The following ZNF292 variants were observed in gnomAD, a reference collection of about 807,000 sequenced individuals.
ZNF292 encodes the protein 16 zinc-finger domain protein.
Under a neutral mutation model 217.9 loss-of-function variants are expected in ZNF292, and 26 were observed. The ratio of observed to expected loss-of-function variants is 0.12; its 90% CI spans 0.09 to 0.17. The LOEUF (loss-of-function observed/expected upper bound fraction) is 0.17. ZNF292 is among the 10% of genes least tolerant of loss of function. ZNF292 has a pLI of 1.00. For synonymous variants in ZNF292, 1,257 were observed against 1,124.1 expected (o/e 1.12, Z -2.37); for missense variants, 2,904 against 3,175.2 (o/e 0.91, Z 2.05).
At position 87,256,085 on chromosome 6, in the gene ZNF292, G is replaced by C; in HGVS notation, c.2456G>C (p.Arg819Pro). 6.2e-7 allele frequency: 1 copy of C among 1,612,996 alleles called. No individual in the cohort carries two copies. ...CKFTGCGKVY[R>P]SQGELEKHLD... ...TTCACAGGTTGTGGTAAAGTTTATC[G>C]TTCTCAGGGTGAGCTGGAAAAGCAT... The change falls in exon 8 of 8, where the codon CGT (arginine) becomes CCT (proline). Residue 819 changes from arginine (R) to proline (P), a missense_variant. Physicochemically the swap from Arg to Pro is moderately radical, Grantham distance 103. Around this residue, in one of 15 missense-constraint regions of ZNF292, gnomAD observed 687 missense variants for 623.0 expected, o/e 1.10. Transcript: ENST00000369577.
intron 1 of ZNF292, among the ~76,000 whole-genome samples, chr6:87,204,440 T>A (rs1772181818): frequency 1.3e-5 from 2 of 152,038 alleles, no homozygotes; most frequent in African/African-American, 4.8e-5. Flanking sequence ...CCAAATAGCT[T>A]AGGAAAAAAA....
chr6:87,229,836 A>T lies in ZNF292; in HGVS notation c.539-3489A>T, dbSNP rs147345809. Among the ~76,000 whole-genome samples the T allele has an allele frequency of 8.9e-4, 135 of 152,372 alleles. No individual in the cohort carries two copies. The East Asian group carries it at 0.022, about 25-fold the overall frequency. The stretch of plus-strand genomic sequence containing the variant: ...CACTAGAAGGTTTTAAACAGGGAAG[A>T]CAATCAAGTGTGTGCTTTAAAGTAA... On this transcript the variant is annotated intron_variant, in intron 4 of 7. Coordinates refer to ENST00000369577, the MANE Select transcript of ZNF292 (RefSeq NM_015021.3).
intron 1 of ZNF292, among the ~76,000 whole-genome samples, chr6:87,199,016 G>T (rs1297049773): frequency 6.6e-6 from 1 of 152,114 alleles, no homozygotes; most frequent in Non-Finnish European, 1.5e-5. Flanking sequence ...TATTCGTTTT[G>T]GGTGGATTGC....
rs767629221 is a variant in ZNF292, at chr6:87,260,666, C to G, written c.7037C>G (p.Ala2346Gly). The G allele has an allele frequency of 6.8e-6, 11 of 1,612,192 alleles. No individual in the cohort carries two copies. The South Asian group carries it at 9.9e-5, about 15-fold the overall frequency. Residue 2346 changes from alanine (A) to glycine (G), a missense_variant, in exon 8 of 8, where the codon GCA becomes GGA. Ala to Gly is a moderately conservative substitution (Grantham distance 60). Coordinates refer to ENST00000369577, the MANE Select transcript of ZNF292 (RefSeq NM_015021.3). ...KKKNNLENKN[A>G]KIVQIEENKP... Reference sequence around the variant, plus strand: ...AAAAATAATTTAGAAAACAAGAATGCAAAGATTGTGCAGATTGAAGAAAAT... The same window carrying G: ...AAAAATAATTTAGAAAACAAGAATGGAAAGATTGTGCAGATTGAAGAAAAT...
At chr6:87,184,800 C>T (rs181462304) in intron 1 of ZNF292, among the ~76,000 whole-genome samples, 90 of 152,264 alleles carry the variant, frequency 5.9e-4, no homozygotes, top group African/African-American at 1.9e-3. Context: ...TTGAAAGCTT[C>T]GAGGACCCTG....
chr6:87,211,436 C>G (rs199869817), intron 1 of ZNF292, among the ~76,000 whole-genome samples: 1 of 118,778 alleles, frequency 8.4e-6, no homozygotes, highest in Non-Finnish European at 1.8e-5. Context: ...TTTTATTTCT[C>G]CAGAAATGTA....
At chr6:87,235,681 A>C (rs982846314) in intron 5 of ZNF292, among the ~76,000 whole-genome samples, 2 of 152,072 alleles carry the variant, frequency 1.3e-5, no homozygotes, top group African/African-American at 4.8e-5. Flanking sequence ...AGTCCAGCCT[A>C]CTCTGGGAGA....
chr6:87,181,710 C>G (rs1159511917), intron 1 of ZNF292, among the ~76,000 whole-genome samples: 1 of 151,090 alleles, frequency 6.6e-6, no homozygotes, highest in Non-Finnish European at 1.5e-5. Context: ...GAGATGAAGT[C>G]TCCCTCTGTA....
chr6:87,156,703 G>GCA (rs1249660738), intron 1 of ZNF292, among the ~76,000 whole-genome samples: 1 of 152,212 alleles, frequency 6.6e-6, no homozygotes, highest in African/African-American at 2.4e-5. Context: ...TTGCCCAAGG[G>GCA]CACTGCTCAC....
intron 1 of ZNF292, among the ~76,000 whole-genome samples, chr6:87,210,819 A>G (rs1450253243): frequency 6.6e-6 from 1 of 152,058 alleles, no homozygotes; most frequent in Admixed American, 6.6e-5. Context: ...TGAGGCATGT[A>G]GCACCCACAG....
At position 87,216,147 on chromosome 6, in the gene ZNF292, AC is replaced by A. The variant is rs1772759808; in HGVS notation, c.323+91del. 4.2e-6 allele frequency: 5 copies of A among 1,201,836 alleles called. No homozygotes were observed. In the African/African-American group the frequency reaches 4.8e-5, roughly 12 times the overall value. The allele number at this position is 1,201,836 out of a possible 1,614,324, so 74.4% of individuals were successfully genotyped here. On this transcript the variant is annotated intron_variant, in intron 2 of 7. Transcript: ENST00000369577. ...CACACACACACACACACACACACACACACACACACAACATTAAATCTCAAGT... is the reference window on the plus strand; with the variant it reads ...CACACACACACACACACACACACACAACACACACAACATTAAATCTCAAGT...
chr6:87,194,363 GAAA>G (rs531134379), intron 1 of ZNF292, among the ~76,000 whole-genome samples: 1 of 151,548 alleles, frequency 6.6e-6, no homozygotes, highest in East Asian at 1.9e-4. Context: ...TGTAAAATTA[GAAA>G]AAAAAGTTCA....
chr6:87,212,454 T>A (rs1169791261), intron 1 of ZNF292, among the ~76,000 whole-genome samples: 2 of 152,208 alleles, frequency 1.3e-5, no homozygotes, highest in Non-Finnish European at 2.9e-5. Flanking sequence ...GTCTTTGTAG[T>A]GACCAGTCCC....
intron 1 of ZNF292, among the ~76,000 whole-genome samples, chr6:87,215,476 C>A (rs1173903929): frequency 6.6e-6 from 1 of 151,984 alleles, no homozygotes; most frequent in Non-Finnish European, 1.5e-5. Context: ...CTTTGCTGAC[C>A]ATACATGATT....
chr6:87,164,610 CT>C (rs1273550797), intron 1 of ZNF292, among the ~76,000 whole-genome samples: 1 of 152,160 alleles, frequency 6.6e-6, no homozygotes, highest in African/African-American at 2.4e-5. Context: ...CTTCTGCTTT[CT>C]TTTTTGTCAC....
chr6:87,198,496 G>C (rs562299581), intron 1 of ZNF292, among the ~76,000 whole-genome samples: 1 of 152,128 alleles, frequency 6.6e-6, no homozygotes, highest in African/African-American at 2.4e-5. Context: ...GAGGAGCCAC[G>C]CCCGGCCCAT....
intron 6 of ZNF292, among the ~76,000 whole-genome samples, chr6:87,244,411 A>G (rs1298942625): frequency 6.6e-6 from 1 of 152,250 alleles, no homozygotes; most frequent in South Asian, 2.1e-4. Flanking sequence ...TAGTTATACC[A>G]GCATGAAAAT....
rs375891149 is a variant in ZNF292, at chr6:87,261,827, T to G, written c.*26T>G. The G allele has an allele frequency of 5.5e-5, 75 of 1,362,968 alleles. No individual in the cohort carries two copies. The African/African-American group carries it at 1.0e-3, about 18-fold the overall frequency. The allele number at this position is 1,362,968 out of a possible 1,614,324, so 84.4% of individuals were successfully genotyped here. ...TAATTAATGTAGTATAAATACATCA[T>G]TTACCATTTTATTTTAAATAGGAAG... On this transcript the variant is annotated 3_prime_UTR_variant, in exon 8 of 8. Coordinates refer to ENST00000369577, the MANE Select transcript of ZNF292 (RefSeq NM_015021.3).
intron 1 of ZNF292, among the ~76,000 whole-genome samples, chr6:87,162,646 A>T (rs543695527): frequency 1.2e-4 from 18 of 152,212 alleles, no homozygotes. Context: ...GCTTATATCA[A>T]TTTCAGCAAA....
Sources: allele counts gnomAD v4.1 joint callset (sites outside exome capture counted in the v4.1 genomes callset), GRCh38; gene constraint gnomAD v4.1.1; regional missense constraint gnomAD v4.1.1; transcripts MANE v1.5; gene names NCBI Gene and HGNC (gene_info 2026-07-23, HGNC 2026-07-21).